DDHD1: variants seen among roughly 807,000 people sequenced by gnomAD.
DDHD1 encodes phospholipase DDHD1.
In DDHD1, 49 loss-of-function variants were observed where a neutral mutation model predicts 96.4. The observed-to-expected ratio is 0.51, with a 90% CI of 0.40 to 0.64. DDHD1 has a LOEUF of 0.64. Ranked by LOEUF, DDHD1 falls within the 30% of genes least tolerant of loss-of-function variation. DDHD1 has a pLI of 0.00. For missense variants in DDHD1, 1,106 were observed against 1,161.2 expected, an observed-to-expected ratio of 0.95 and a Z score of 0.69; for synonymous variants, 442 against 446.5, an observed-to-expected ratio of 0.99 and a Z score of 0.13.
rs781236368 is a variant in DDHD1, at chr14:53,073,899, C to G, written c.1290-52G>C. ...AAACAAAGCTTTATGAGAATAACTT[C>G]ACATATAAATTTATATGAGATAAAA... is the stretch of plus-strand genomic sequence containing the variant. On this transcript the variant is annotated intron_variant, in intron 4 of 12. Transcript: ENST00000673822. The G allele has an allele frequency of 4.7e-6, 7 of 1,480,882 alleles. No individual in the cohort carries two copies. In the African/African-American group the frequency reaches 9.8e-5, roughly 21 times the overall value. The allele number at this position is 1,480,882 out of a possible 1,614,324, so 91.7% of individuals were successfully genotyped here.
intron 11 of DDHD1, chr14:53,053,087 C>T (rs1302261479): frequency 1.3e-5 from 2 of 151,954 alleles, no homozygotes; most frequent in Non-Finnish European, 2.9e-5. Context: ...CTTCTTGCTC[C>T]CTCCCTCACT....
At chr14:53,075,613 A>G (rs988595741) in intron 4 of DDHD1, among the ~76,000 whole-genome samples, 2 of 152,188 alleles carry the variant, frequency 1.3e-5, no homozygotes, top group African/African-American at 2.4e-5. Flanking sequence ...ATAATCCATG[A>G]AGGTTGCTAC....
intron 1 of DDHD1, among the ~76,000 whole-genome samples, chr14:53,124,976 T>G (rs1358182293): frequency 2.0e-5 from 3 of 151,796 alleles, no homozygotes; most frequent in Non-Finnish European, 2.9e-5. Context: ...TCTGCGTGTG[T>G]GGGTGTGTGG....
rs771139001 is a variant in DDHD1, at chr14:53,126,947, G to A, written c.839-23091C>T. On this transcript the variant is annotated intron_variant, in intron 1 of 12. Transcript: ENST00000673822. ...AGCTATAAATAAAACAATCACGTGAGAATTTAAGCTCTAACGGGTTGAAAT... is the reference window on the plus strand; with the variant it reads ...AGCTATAAATAAAACAATCACGTGAAAATTTAAGCTCTAACGGGTTGAAAT... Among the ~76,000 whole-genome samples the A allele has an allele frequency of 1.2e-4, 18 of 152,068 alleles. 1 individual carries two copies. Among genetic ancestry groups the A allele is most frequent in the Non-Finnish European group, 2.4e-4 (16 of 68,010 alleles).
At chr14:53,114,482 G>C (rs1033708423) in intron 1 of DDHD1, among the ~76,000 whole-genome samples, 2 of 152,144 alleles carry the variant, frequency 1.3e-5, no homozygotes, top group Non-Finnish European at 2.9e-5. Context: ...CCTCATACAG[G>C]GGAGCTCTGG....
At chr14:53,107,837 G>T (rs1333381103) in intron 1 of DDHD1, among the ~76,000 whole-genome samples, 22 of 152,052 alleles carry the variant, frequency 1.4e-4, no homozygotes, top group Non-Finnish European at 2.2e-4. Flanking sequence ...TTTAAACACG[G>T]GGCTTGCAAC....
At chr14:53,095,497 T>C (rs1886815878) in intron 2 of DDHD1, among the ~76,000 whole-genome samples, 1 of 152,210 alleles carries the variant, frequency 6.6e-6, no homozygotes, top group Non-Finnish European at 1.5e-5. Context: ...TTCTTAGTTA[T>C]ATTAAATATG....
At chr14:53,128,075 C>G (rs1889586986) in intron 1 of DDHD1, among the ~76,000 whole-genome samples, 1 of 152,140 alleles carries the variant, frequency 6.6e-6, no homozygotes, top group Non-Finnish European at 1.5e-5. Context: ...CCCCTCTTCG[C>G]TCTATATTTC....
At chr14:53,072,751 T>A in intron 5 of DDHD1, 48 bp from the exon 6 acceptor site, 1 of 1,361,028 alleles carries the variant, frequency 7.3e-7, no homozygotes, top group South Asian at 1.2e-5. Flanking sequence ...AAAGTCTCTG[T>A]TACAGGAAAG....
chr14:53,054,348 C>A, intron 11 of DDHD1, 90 bp downstream of exon 11: 1 of 1,127,206 alleles, frequency 8.9e-7, no homozygotes, highest in South Asian at 2.0e-5. Context: ...TTAGAGTTGA[C>A]TAGCTAGTAT....
intron 2 of DDHD1, among the ~76,000 whole-genome samples, chr14:53,097,302 T>C (rs569223386): frequency 4.6e-5 from 7 of 152,120 alleles, no homozygotes; most frequent in African/African-American, 1.7e-4. Context: ...ATTTGTGTAA[T>C]AAAAGTAATT....
chr14:53,050,749 G>A (rs1400486908), intron 12 of DDHD1, among the ~76,000 whole-genome samples: 2 of 151,972 alleles, frequency 1.3e-5, no homozygotes, highest in Admixed American at 1.3e-4. Context: ...AACAGGAAGC[G>A]CAAAAAGAAG....
chr14:53,085,627 C>A (rs1229398305), intron 4 of DDHD1, among the ~76,000 whole-genome samples: 2 of 152,134 alleles, frequency 1.3e-5, no homozygotes, highest in Non-Finnish European at 2.9e-5. Context: ...ACATCCACAC[C>A]AAAACCCCAT....
In DDHD1 at chr14:53,090,588, G is replaced by A. The variant is rs553551236; in HGVS notation, c.1289+1197C>T. ...TGTCCTTTGTATGGACATGGATGTCGCTGGAAACCATCATTCTCAGCAAAC... is the reference window on the plus strand; with the variant it reads ...TGTCCTTTGTATGGACATGGATGTCACTGGAAACCATCATTCTCAGCAAAC... On this transcript the variant is annotated intron_variant, in intron 4 of 12. Transcript: ENST00000673822. 4.6e-5 allele frequency among the ~76,000 whole-genome samples: 7 copies of A among 152,170 alleles called. No individual in the cohort carries two copies. In the Middle Eastern group the frequency reaches 0.014, roughly 296 times the overall value.
At chr14:53,089,038 C>T (rs1886217901) in intron 4 of DDHD1, among the ~76,000 whole-genome samples, 1 of 151,352 alleles carries the variant, frequency 6.6e-6, no homozygotes, top group Non-Finnish European at 1.5e-5. Flanking sequence ...CAGACAGAGA[C>T]AAATCATGAG....
chr14:53,120,292 A>G (rs1888886574), intron 1 of DDHD1, among the ~76,000 whole-genome samples: 1 of 152,232 alleles, frequency 6.6e-6, no homozygotes, highest in African/African-American at 2.4e-5. Flanking sequence ...GTTCAACAAA[A>G]TAAAAACGAC....
In DDHD1 at chr14:53,072,753, A is replaced by G. The variant is rs875663; in HGVS notation, c.1397-50T>C. On this transcript the variant is annotated intron_variant, in intron 5 of 12. Coordinates refer to ENST00000673822, the MANE Select transcript of DDHD1 (RefSeq NM_001160148.2). ...AGTTAACTTATAGAAAGTCTCTGTT[A>G]CAGGAAAGTAATAGTGAAGAAAATT... The G allele has an allele frequency of 0.82, 1,081,052 of 1,311,734 alleles. 451,936 individuals carry two copies. The highest frequency in any genetic ancestry group is 0.96 in the East Asian group (41,213 of 43,084). The allele number at this position is 1,311,734 out of a possible 1,614,324, so 81.3% of individuals were successfully genotyped here.
intron 4 of DDHD1, among the ~76,000 whole-genome samples, chr14:53,090,385 A>G (rs1189848096): frequency 6.6e-6 from 1 of 152,226 alleles, no homozygotes; most frequent in African/African-American, 2.4e-5. Context: ...TATATACCCA[A>G]AGGATTATAA....
chr14:53,046,772 A>G lies in DDHD1; in HGVS notation c.2699T>C (p.Ile900Thr), dbSNP rs1351370905. Residue 900 changes from isoleucine to threonine, a missense_variant, in exon 13 of 13, where the codon ATC becomes ACC. By Grantham distance (89) the Ile-to-Thr change is moderately conservative. Around this residue, in one of 2 missense-constraint regions of DDHD1, gnomAD observed 650 missense variants for 758.8 expected, o/e 0.86. Coordinates refer to ENST00000673822, the MANE Select transcript of DDHD1 (RefSeq NM_001160148.2). Reference protein sequence around the residue: ...DDDAKPNLDPI With the variant: ...DDDAKPNLDPT Reference sequence around the variant, plus strand: ...ATTCATGTCCTTCAAGAGAGTTCAGATTGGATCTAAATTGGGTTTTGCATC... The same window carrying G: ...ATTCATGTCCTTCAAGAGAGTTCAGGTTGGATCTAAATTGGGTTTTGCATC... The G allele has an allele frequency of 2.5e-6, 4 of 1,598,214 alleles. No homozygotes were observed. The highest frequency in any genetic ancestry group is 1.7e-4 in the Middle Eastern group (1 of 6,012).
Sources: gnomAD v4.1 joint callset for allele counts (sites outside exome capture counted in the v4.1 genomes callset) on GRCh38, gnomAD v4.1.1 for gene constraint, gnomAD v4.1.1 regional missense constraint, MANE v1.5 for transcripts, NCBI Gene and HGNC (gene_info 2026-07-23, HGNC 2026-07-21) for gene names.